The following ZSCAN5A variants were observed in gnomAD, a reference collection of about 807,000 sequenced individuals.
The protein encoded by ZSCAN5A is zinc finger and SCAN domain-containing protein 5A.
ZSCAN5A carries 12 observed loss-of-function variants against 23.7 expected under a neutral mutation model. The observed-to-expected ratio is 0.51, with a 90% CI of 0.32 to 0.82. The LOEUF (loss-of-function observed/expected upper bound fraction) is 0.82. Ranked by LOEUF, ZSCAN5A falls within the 40% of genes least tolerant of loss-of-function variation. The probability of loss-of-function intolerance (pLI) is 0.03; values close to 1 mark genes in which losing one functional copy is unlikely to be tolerated. For synonymous variants in ZSCAN5A, 257 were observed against 239.9 expected, an observed-to-expected ratio of 1.07 and a Z score of -0.66; for missense variants, 597 against 617.9, an observed-to-expected ratio of 0.97 and a Z score of 0.36.
chr19:56,325,014 T>C (rs2041419833), intron 2 of ZSCAN5A, among the ~76,000 whole-genome samples: 1 of 152,202 alleles, frequency 6.6e-6, no homozygotes, highest in Non-Finnish European at 1.5e-5. Context: ...CCAGACTGCG[T>C]TGAAGCTTCA....
rs557793195 is a variant in ZSCAN5A, at chr19:56,225,074, T to C, written c.-28A>G. The C allele has an allele frequency of 9.0e-6, 14 of 1,550,464 alleles. No individual in the cohort carries two copies. In the African/African-American group the frequency reaches 1.9e-4, roughly 21 times the overall value. On this transcript the variant is annotated 5_prime_UTR_variant, in exon 3 of 6. Coordinates refer to ENST00000683990, the MANE Select transcript of ZSCAN5A (RefSeq NM_001322064.3). ...CTAGTGGAGAATTTTTTAATCAGTCTCTGAGAAAGCTCTTCCAGTAGCTGG... is the reference window on the plus strand; with the variant it reads ...CTAGTGGAGAATTTTTTAATCAGTCCCTGAGAAAGCTCTTCCAGTAGCTGG...
intron 2 of ZSCAN5A, among the ~76,000 whole-genome samples, chr19:56,260,400 G>T (rs1053454853): frequency 1.3e-5 from 2 of 151,862 alleles, no homozygotes; most frequent in South Asian, 4.2e-4. Flanking sequence ...TTTTAGTAGA[G>T]ATGGGGTTTC....
chr19:56,270,795 G>A (rs1485207646), intron 2 of ZSCAN5A, among the ~76,000 whole-genome samples: 1 of 152,152 alleles, frequency 6.6e-6, no homozygotes, highest in Non-Finnish European at 1.5e-5. Flanking sequence ...GTGCTACTGT[G>A]TAATTGATAG....
At chr19:56,245,855 G>T (rs534656061) in intron 2 of ZSCAN5A, among the ~76,000 whole-genome samples, 86 of 152,230 alleles carry the variant, frequency 5.6e-4, no homozygotes, top group African/African-American at 1.5e-3. Context: ...CTGGAGATGT[G>T]TTTGTGTGTC....
upstream of ZSCAN5A, among the ~76,000 whole-genome samples, chr19:56,319,388 C>CCG (rs1555811089): frequency 6.8e-6 from 1 of 147,966 alleles, no homozygotes; most frequent in Non-Finnish European, 1.5e-5. Context: ...CCTCACTACC[C>CCG]GGGGGGCTGA....
chr19:56,321,375 T>C (rs2041373971), intron 2 of ZSCAN5A: 1 of 642,746 alleles, frequency 1.6e-6, no homozygotes, highest in African/African-American at 1.8e-5. Flanking sequence ...CACCAGCAGT[T>C]GGCTGGCAGA....
rs187590894 is a variant in ZSCAN5A at position 56,328,593 on chromosome 19, C to T, written c.-357-12325G>A. ...GGATTGCAGTGAGCTGAAATCACAC[C>T]ATTGCACTCCAGCCTGGGCTACAGA... On this transcript the variant is annotated intron_variant, in intron 2 of 6. Coordinates refer to the ZSCAN5A transcript ENST00000587340. Among the ~76,000 whole-genome samples the T allele has an allele frequency of 1.4e-4, 21 of 151,712 alleles. 1 individual carries two copies. Among genetic ancestry groups the T allele is most frequent in the Admixed American group, 1.3e-3 (20 of 15,232 alleles).
At chr19:56,322,375 C>T (rs770057299) in intron 2 of ZSCAN5A, 1 of 730,126 alleles carries the variant, frequency 1.4e-6, no homozygotes, top group African/African-American at 1.7e-5. Flanking sequence ...CCACACCTCT[C>T]AGCCGGCAGG....
In ZSCAN5A at chr19:56,246,900, C is replaced by T. The variant is rs150628535; in HGVS notation, c.-127-21727G>A. 5.2e-3 allele frequency: 8,420 copies of T among 1,608,026 alleles called. 31 individuals are homozygous for T. Among genetic ancestry groups the T allele is most frequent in the African/African-American group, 6.8e-3 (509 of 74,884 alleles). ...GATGTCCCAAAAGAAGCAAACCAGA[C>T]GCCACCTCCATTTCCCAAGAAGGGC... On this transcript the variant is annotated intron_variant, in intron 2 of 5. Transcript: ENST00000683990.
At chr19:56,346,221 AAAC>A (rs1313976736) in intron 2 of ZSCAN5A, among the ~76,000 whole-genome samples, 3 of 152,190 alleles carry the variant, frequency 2.0e-5, no homozygotes, top group Non-Finnish European at 2.9e-5. Flanking sequence ...AAACAGAAAC[AAAC>A]AACAACAACA....
At chr19:56,339,141 TAC>T (rs1209900614) in intron 2 of ZSCAN5A, among the ~76,000 whole-genome samples, 3 of 152,276 alleles carry the variant, frequency 2.0e-5, no homozygotes, top group African/African-American at 7.2e-5. Context: ...AATAAATATT[TAC>T]AGTTTGCAAA....
intron 2 of ZSCAN5A, among the ~76,000 whole-genome samples, chr19:56,356,267 C>G (rs2041699884): frequency 2.0e-5 from 3 of 148,480 alleles, no homozygotes; most frequent in African/African-American, 7.6e-5. Context: ...GAGCCCCGAA[C>G]AAAGAGAGCA....
chr19:56,227,485 T>C (rs374932384), intron 2 of ZSCAN5A, among the ~76,000 whole-genome samples: 20 of 151,994 alleles, frequency 1.3e-4, no homozygotes, highest in Middle Eastern at 3.2e-3. Flanking sequence ...CTGGGCAACA[T>C]AGTGAGATCC....
chr19:56,240,563 G>A (rs1190905136), intron 2 of ZSCAN5A, among the ~76,000 whole-genome samples: 1 of 152,164 alleles, frequency 6.6e-6, no homozygotes, highest in African/African-American at 2.4e-5. Context: ...CCATGTCTGT[G>A]GGGTTTAGGA....
At chr19:56,302,583 CTTT>C (rs1236103869) in intron 2 of ZSCAN5A, among the ~76,000 whole-genome samples, 18 of 59,262 alleles carry the variant, frequency 3.0e-4, no homozygotes, top group African/African-American at 2.3e-3. Flanking sequence ...CTTCCTCCCC[CTTT>C]TCTTCCTCTC....
At chr19:56,229,405 T>C (rs1222767079) in intron 2 of ZSCAN5A, among the ~76,000 whole-genome samples, 1 of 152,188 alleles carries the variant, frequency 6.6e-6, no homozygotes, top group East Asian at 1.9e-4. Flanking sequence ...CAATACAAGG[T>C]TCATTTTGCC....
chr19:56,243,759 T>C (rs1385925069), intron 2 of ZSCAN5A, among the ~76,000 whole-genome samples: 7 of 152,098 alleles, frequency 4.6e-5, no homozygotes, highest in South Asian at 2.1e-4. Context: ...TCAGAACATA[T>C]AGTCAGGTGT....
chr19:56,224,776 G>C lies in ZSCAN5A; in HGVS notation c.271C>G (p.Gln91Glu), dbSNP rs1315010377. The C allele has an allele frequency of 5.6e-6, 9 of 1,607,932 alleles. No individual in the cohort carries two copies. Among genetic ancestry groups the C allele is most frequent in the Admixed American group, 1.7e-5 (1 of 59,794 alleles). Residue 91 changes from glutamine (Q) to glutamate (E), a missense_variant, in exon 3 of 6, where the codon CAG becomes GAG. Around this residue, in one of 5 missense-constraint regions of ZSCAN5A, gnomAD observed 27 missense variants for 93.5 expected, o/e 0.29. Coordinates refer to ENST00000683990, the MANE Select transcript of ZSCAN5A (RefSeq NM_001322064.3). ...EQILDMLVME[Q>E]FMISMPQELQ... ...TCCTGGGGCATGGAGATCATGAACT[G>C]CTCCATCACCAGCATGTCCAGGATC... is the stretch of plus-strand genomic sequence containing the variant.
chr19:56,316,845 T>C (rs1477730726), upstream of ZSCAN5A: 2 of 152,302 alleles, frequency 1.3e-5, no homozygotes, highest in Non-Finnish European at 2.9e-5. Context: ...AGGCTTCTTA[T>C]TTATTTATTT....
Sources: gnomAD v4.1 joint callset for allele counts (sites outside exome capture counted in the v4.1 genomes callset) on GRCh38, gnomAD v4.1.1 for gene constraint, gnomAD v4.1.1 regional missense constraint, MANE v1.5 for transcripts, NCBI Gene and HGNC (gene_info 2026-07-23, HGNC 2026-07-21) for gene names.